FAT4: variants seen among roughly 807,000 people sequenced by gnomAD.
FAT4 encodes FAT atypical cadherin 4.
Under a neutral mutation model 303.9 loss-of-function variants are expected in FAT4, and 84 were observed. The ratio of observed to expected loss-of-function variants is 0.28; its 90% CI spans 0.23 to 0.33. The LOEUF (loss-of-function observed/expected upper bound fraction) is 0.33, where lower values mean the gene tolerates loss of function less well. FAT4 is among the 10% of genes least tolerant of loss of function. FAT4 has a pLI of 1.00. For synonymous variants in FAT4, 2,307 were observed against 2,298.8 expected, an observed-to-expected ratio of 1.00 and a Z score of -0.10; for missense variants, 6,005 against 6,146.8, an observed-to-expected ratio of 0.98 and a Z score of 0.77.
chr4:125,328,862 C>A (rs1413963907), intron 2 of FAT4, among the ~76,000 whole-genome samples: 1 of 152,158 alleles, frequency 6.6e-6, no homozygotes, highest in African/African-American at 2.4e-5. Context: ...AGTTCCAACA[C>A]AGCACTAACT....
At chr4:125,387,478 T>C (rs1054923622) in intron 2 of FAT4, among the ~76,000 whole-genome samples, 1 of 152,182 alleles carries the variant, frequency 6.6e-6, no homozygotes, top group African/African-American at 2.4e-5. Flanking sequence ...TGTTTTTGTT[T>C]TGTTTTTGTT....
At chr4:125,369,924 G>A (rs1733040704) in intron 2 of FAT4, among the ~76,000 whole-genome samples, 1 of 152,100 alleles carries the variant, frequency 6.6e-6, no homozygotes, top group Non-Finnish European at 1.5e-5. Context: ...CCTCCAGGTA[G>A]ATCCAAGTTG....
chr4:125,424,435 A>G (rs1725019647), intron 7 of FAT4, among the ~76,000 whole-genome samples: 1 of 152,124 alleles, frequency 6.6e-6, no homozygotes, highest in Non-Finnish European at 1.5e-5. Flanking sequence ...TGCCACGATT[A>G]TAAGTTTCCT....
intron 12 of FAT4, among the ~76,000 whole-genome samples, chr4:125,471,229 A>T (rs1057222830): frequency 1.2e-4 from 18 of 152,232 alleles, no homozygotes; most frequent in African/African-American, 4.3e-4. Context: ...ATCACAGATC[A>T]CCATACCACA....
chr4:125,423,517 C>T (rs115183064), intron 7 of FAT4, among the ~76,000 whole-genome samples: 132 of 152,282 alleles, frequency 8.7e-4, no homozygotes, highest in South Asian at 3.7e-3. Flanking sequence ...TGGGAACCTC[C>T]GCCTGAATTT....
At chr4:125,323,349 G>A (rs182489837) in intron 2 of FAT4, among the ~76,000 whole-genome samples, 1 of 152,240 alleles carries the variant, frequency 6.6e-6, no homozygotes, top group Non-Finnish European at 1.5e-5. Flanking sequence ...TGCTGCCTCT[G>A]CAATAGGCAA....
At position 125,490,843 on chromosome 4, in the gene FAT4, A is replaced by T. The variant is rs1291094203; in HGVS notation, c.14027A>T (p.Tyr4676Phe). Residue 4676 changes from tyrosine to phenylalanine, a missense_variant, in exon 18 of 18, where the codon TAC (tyrosine) becomes TTC (phenylalanine). By Grantham distance (22) the Tyr-to-Phe change is conservative (BLOSUM62 3). Transcript: ENST00000394329. ...CCCTTAGGAGCAAGCAGTTTGACTT[A>T]CCAGCCTTCATATGGTCAAGGTTTG... The part of the protein sequence containing the change: ...PMPLGASSLT[Y>F]QPSYGQGLRT... 1 of 1,614,050 alleles carries T rather than the reference A, an allele frequency of 6.2e-7. No homozygotes were observed. The highest frequency in any genetic ancestry group is 1.3e-5 in the African/African-American group (1 of 74,910).
At chr4:125,402,918 C>G (rs1734443061) in intron 3 of FAT4, among the ~76,000 whole-genome samples, 1 of 151,834 alleles carries the variant, frequency 6.6e-6, no homozygotes, top group Non-Finnish European at 1.5e-5. Flanking sequence ...TTTTTGAAGT[C>G]AACATTTCTA....
At chr4:125,475,940 T>C (rs1727013920) in intron 12 of FAT4, among the ~76,000 whole-genome samples, 1 of 152,128 alleles carries the variant, frequency 6.6e-6, no homozygotes, top group African/African-American at 2.4e-5. Flanking sequence ...TTTTTAAAGG[T>C]ACCCTTTTAC....
chr4:125,421,016 C>T (rs762648048), intron 7 of FAT4, among the ~76,000 whole-genome samples: 2 of 152,138 alleles, frequency 1.3e-5, no homozygotes, highest in Non-Finnish European at 2.9e-5. Context: ...CTGCAACCTT[C>T]GCCTCCCGGG....
intron 7 of FAT4, among the ~76,000 whole-genome samples, chr4:125,421,195 G>A (rs550040778): frequency 8.7e-4 from 132 of 152,240 alleles, no homozygotes; most frequent in African/African-American, 3.1e-3. Flanking sequence ...AGTGCTAGGC[G>A]TGAGCCACTG....
At chr4:125,414,101 A>G (rs957641270) in intron 5 of FAT4, among the ~76,000 whole-genome samples, 9 of 151,972 alleles carry the variant, frequency 5.9e-5, no homozygotes, top group African/African-American at 2.2e-4. Context: ...TTCACTGCTT[A>G]TTTGTTATTT....
At chr4:125,427,058 G>A (rs543886594) in intron 7 of FAT4, among the ~76,000 whole-genome samples, 2 of 151,898 alleles carry the variant, frequency 1.3e-5, no homozygotes, top group Admixed American at 6.6e-5. Context: ...TTAGGTGGTA[G>A]CCTCTAGTGT....
chr4:125,399,031 C>T, intron 3 of FAT4, 116 bp downstream of exon 3: 1 of 849,610 alleles, frequency 1.2e-6, no homozygotes, highest in Non-Finnish European at 1.8e-6. Context: ...ATGTGTGCTC[C>T]TTTCCAAAGA....
intron 2 of FAT4, among the ~76,000 whole-genome samples, chr4:125,372,400 A>G (rs1733152633): frequency 6.6e-6 from 1 of 151,856 alleles, no homozygotes; most frequent in Non-Finnish European, 1.5e-5. Context: ...CAAAAGTGAT[A>G]TCAATAGTAA....
rs772884777 is a variant in FAT4, at chr4:125,316,828, T to A, written c.417T>A (p.Ser139=). ...ACGCCCCCGTTTTCCCGGACCCCTC[T>A]ATCGTGGTCACTTTCAAGGAAGACA... The part of the protein sequence containing the change: ...NDNAPVFPDP[S]IVVTFKEDSS... The change falls in exon 2 of 18, where the codon TCT becomes TCA. Residue 139 remains serine, a synonymous_variant. Transcript: ENST00000394329. The surrounding 1 kb of genome is among the most constrained non-coding windows in gnomAD (Gnocchi z 5.7). 1 of 1,614,026 alleles carries A rather than the reference T, an allele frequency of 6.2e-7. No individual in the cohort carries two copies. The highest frequency in any genetic ancestry group is 8.5e-7 in the Non-Finnish European group (1 of 1,180,010).
At chr4:125,393,915 C>T (rs1177765391) in intron 2 of FAT4, 1 of 779,244 alleles carries the variant, frequency 1.3e-6, no homozygotes, top group Non-Finnish European at 2.4e-6. Context: ...TCAAGAAAGT[C>T]ATTCTTGTGA....
intron 7 of FAT4, among the ~76,000 whole-genome samples, chr4:125,433,077 A>G (rs1175306158): frequency 6.6e-6 from 1 of 152,196 alleles, no homozygotes; most frequent in African/African-American, 2.4e-5. Context: ...ATTACAATCT[A>G]AGAACATAGA....
At chr4:125,339,934 T>G (rs1206368124) in intron 2 of FAT4, among the ~76,000 whole-genome samples, 1 of 152,154 alleles carries the variant, frequency 6.6e-6, no homozygotes, top group Non-Finnish European at 1.5e-5. Flanking sequence ...AATTGTATAA[T>G]TGTATATGTG....
Sources: gnomAD v4.1 joint callset for allele counts (sites outside exome capture counted in the v4.1 genomes callset) on GRCh38, gnomAD v4.1.1 for gene constraint, Gnocchi (gnomAD v3.1) non-coding constraint, MANE v1.5 for transcripts, NCBI Gene and HGNC (gene_info 2026-07-23, HGNC 2026-07-21) for gene names.